Variants in PTAFR observed in about 807,000 individuals in gnomAD.
PTAFR encodes platelet-activating factor receptor.
In PTAFR, 8 loss-of-function variants were observed where a neutral mutation model predicts 14.7. The observed-to-expected ratio is 0.54, with a 90% CI of 0.32 to 0.98. PTAFR has a LOEUF of 0.98. Among genes scored for constraint, PTAFR ranks in the 50% least tolerant of loss-of-function variants. The pLI is 0.04. For synonymous variants in PTAFR, 156 were observed against 176.5 expected, an observed-to-expected ratio of 0.88 and a Z score of 0.92; for missense variants, 337 against 451.2, an observed-to-expected ratio of 0.75 and a Z score of 2.29.
At chr1:28,174,975 G>A (rs1431797111) in intron 1 of PTAFR, among the ~76,000 whole-genome samples, 1 of 152,214 alleles carries the variant, frequency 6.6e-6, no homozygotes, top group African/African-American at 2.4e-5. Context: ...TGCCCAGGCT[G>A]GAGTGCGATG....
At chr1:28,170,373 G>A (rs77934127) in intron 1 of PTAFR, among the ~76,000 whole-genome samples, 2 of 152,108 alleles carry the variant, frequency 1.3e-5, no homozygotes, top group African/African-American at 4.8e-5. Flanking sequence ...GATTCGCTGG[G>A]GCCAGTCCCA....
rs1646651195 is a variant in PTAFR, at chr1:28,191,446, G to A, written c.-39+2276C>T. 2.6e-5 allele frequency among the ~76,000 whole-genome samples: 4 copies of A among 152,298 alleles called. No homozygotes were observed. The South Asian group carries it at 6.2e-4, about 24-fold the overall frequency. ...GTCTAACTCAGTGGTTAAAAGAAAC[G>A]TCTCCAGCCGGGCGCAGTGGTATAT... On this transcript the variant is annotated intron_variant, in intron 1 of 1. Coordinates refer to the PTAFR transcript ENST00000305392.
chr1:28,164,876 T>A (rs1450721183), intron 1 of PTAFR, among the ~76,000 whole-genome samples: 2 of 152,122 alleles, frequency 1.3e-5, no homozygotes, highest in Non-Finnish European at 2.9e-5. Context: ...TCCTCAAAGC[T>A]GGGAAGGGAA....
At chr1:28,152,080 A>G (rs555462860) in intron 1 of PTAFR, among the ~76,000 whole-genome samples, 1 of 151,966 alleles carries the variant, frequency 6.6e-6, no homozygotes, top group South Asian at 2.1e-4. Flanking sequence ...TATTTTTTGT[A>G]GGGAAGGGGT....
intron 1 of PTAFR, among the ~76,000 whole-genome samples, chr1:28,169,700 G>A (rs1213307675): frequency 6.6e-6 from 1 of 151,972 alleles, no homozygotes; most frequent in Non-Finnish European, 1.5e-5. Context: ...GAAATAATGT[G>A]TATAAAGTCC....
rs540504434 is a variant in PTAFR at position 28,193,175 on chromosome 1, C to G, written c.-39+547G>C. ...TACAGATGGTTGCATTGCTGTGTGTCTGTGTGTGTGTGTGTGTAGGGAAGA... is the reference window on the plus strand; with the variant it reads ...TACAGATGGTTGCATTGCTGTGTGTGTGTGTGTGTGTGTGTGTAGGGAAGA... On this transcript the variant is annotated intron_variant, in intron 1 of 1. Transcript: ENST00000305392. 1.7e-4 allele frequency among the ~76,000 whole-genome samples: 26 copies of G among 150,002 alleles called. No homozygotes were observed. The South Asian group carries it at 4.8e-3, about 28-fold the overall frequency.
chr1:28,189,106 A>G (rs2149009291), intron 1 of PTAFR, among the ~76,000 whole-genome samples: 1 of 152,412 alleles, frequency 6.6e-6, no homozygotes, highest in African/African-American at 2.4e-5. Flanking sequence ...TTAATTTCAT[A>G]ATCAATGCTT....
chr1:28,191,685 C>T (rs1646653940), intron 1 of PTAFR, among the ~76,000 whole-genome samples: 1 of 150,330 alleles, frequency 6.7e-6, no homozygotes, highest in Admixed American at 6.6e-5. Flanking sequence ...GATAGGAGAG[C>T]GTCTTTTCTC....
exon 1 of PTAFR, chr1:28,193,795 G>A (rs529958944): frequency 6.5e-6 from 1 of 153,050 alleles, no homozygotes; most frequent in African/African-American, 2.4e-5. Flanking sequence ...CTGAGAGCAT[G>A]TTTCCTGGAC....
At chr1:28,176,566 C>T (rs996581858) in intron 1 of PTAFR, 26 bp downstream of exon 1, 1 of 152,822 alleles carries the variant, frequency 6.5e-6, no homozygotes, top group Non-Finnish European at 1.5e-5. Flanking sequence ...CCCCCTTGCC[C>T]AGCAGGGGCC....
chr1:28,176,304 G>A (rs1293115665), intron 1 of PTAFR, among the ~76,000 whole-genome samples: 3 of 151,890 alleles, frequency 2.0e-5, no homozygotes, highest in Non-Finnish European at 4.4e-5. Flanking sequence ...TTAGCCAGGC[G>A]TGGTAGAGCA....
At chr1:28,179,340 A>T (rs1646544608), upstream of PTAFR, among the ~76,000 whole-genome samples, 1 of 152,192 alleles carries the variant, frequency 6.6e-6, no homozygotes, top group Non-Finnish European at 1.5e-5. Context: ...CTTCCAGTAT[A>T]GTCCCTTCCA....
At chr1:28,183,743 G>A (rs909622913) in intron 1 of PTAFR, among the ~76,000 whole-genome samples, 2 of 151,930 alleles carry the variant, frequency 1.3e-5, no homozygotes, top group South Asian at 2.1e-4. Context: ...AAAATTAGCC[G>A]GGCGTGGTGG....
intron 1 of PTAFR, among the ~76,000 whole-genome samples, chr1:28,168,637 T>C (rs1646418365): frequency 6.6e-6 from 1 of 152,162 alleles, no homozygotes; most frequent in Admixed American, 6.5e-5. Flanking sequence ...TCAACAGATG[T>C]AGAGTTTCAG....
chr1:28,159,150 G>A (rs975914967), intron 1 of PTAFR, among the ~76,000 whole-genome samples: 1 of 152,152 alleles, frequency 6.6e-6, no homozygotes, highest in South Asian at 2.1e-4. Flanking sequence ...ATGAGGGCAG[G>A]GAGGATGAAT....
intron 1 of PTAFR, among the ~76,000 whole-genome samples, chr1:28,174,634 G>A (rs913148360): frequency 6.6e-6 from 1 of 152,208 alleles, no homozygotes; most frequent in Non-Finnish European, 1.5e-5. Flanking sequence ...CTGGGCCTCT[G>A]GCTCACCGTC....
chr1:28,169,390 T>G (rs1012686255), intron 1 of PTAFR, among the ~76,000 whole-genome samples: 1 of 152,220 alleles, frequency 6.6e-6, no homozygotes, highest in South Asian at 2.1e-4. Flanking sequence ...AGTTTATGAC[T>G]TAAAAGCTAT....
At position 28,150,078 on chromosome 1, in the gene PTAFR, C is replaced by T. The variant is rs775001252; in HGVS notation, c.944G>A (p.Arg315Gln). 30 of 1,614,042 alleles carry T rather than the reference C, an allele frequency of 1.9e-5. No individual in the cohort carries two copies. The highest frequency in any genetic ancestry group is 1.6e-4 in the Middle Eastern group (1 of 6,084). ...ATCCGTGGTGGCCCGGGAGCATTTC[C>T]GGCTACTGCGCATGCTGTAGAACTT... The part of the protein sequence containing the change: ...TEKFYSMRSS[R>Q]KCSRATTDTV... Residue 315 changes from arginine (R) to glutamine (Q), a missense_variant, in exon 2 of 2, where the codon CGG (arginine) becomes CAG (glutamine). By Grantham distance (43) the Arg-to-Gln change is conservative. Coordinates refer to ENST00000373857, the MANE Select transcript of PTAFR (RefSeq NM_000952.5). This position sits in a 1 kb window ranked among gnomAD's most constrained non-coding sequence, Gnocchi z 6.3.
intron 1 of PTAFR, among the ~76,000 whole-genome samples, chr1:28,152,572 G>A (rs1024713581): frequency 2.0e-5 from 3 of 151,982 alleles, no homozygotes; most frequent in African/African-American, 4.8e-5. Flanking sequence ...ATGAAACCCT[G>A]TCTCTACTAA....
Sources: allele counts gnomAD v4.1 joint callset (sites outside exome capture counted in the v4.1 genomes callset), GRCh38; gene constraint gnomAD v4.1.1; non-coding constraint Gnocchi (gnomAD v3.1); transcripts MANE v1.5; gene names NCBI Gene and HGNC (gene_info 2026-07-23, HGNC 2026-07-21).